The following TNR variants were observed in gnomAD, a reference collection of about 807,000 sequenced individuals.
The protein encoded by TNR is tenascin R.
Under a neutral mutation model 150.4 loss-of-function variants are expected in TNR, and 45 were observed. The observed-to-expected ratio is 0.30, with a 90% CI of 0.24 to 0.38. The LOEUF is 0.38. Ranked by LOEUF, TNR falls within the 10% of genes least tolerant of loss-of-function variation. The pLI, the probability that TNR is intolerant of heterozygous loss-of-function variation, is 1.00. For synonymous variants in TNR, 687 were observed against 678.4 expected, an observed-to-expected ratio of 1.01 and a Z score of -0.20; for missense variants, 1,544 against 1,759.1, an observed-to-expected ratio of 0.88 and a Z score of 2.19.
chr1:175,327,719 TA>T (rs1649487329), intron 21 of TNR, among the ~76,000 whole-genome samples: 1 of 152,210 alleles, frequency 6.6e-6, no homozygotes, highest in Admixed American at 6.5e-5. Flanking sequence ...TTCCAGGGTT[TA>T]TTTTCCTTAC....
chr1:175,351,600 T>G (rs2102002723), intron 18 of TNR, among the ~76,000 whole-genome samples: 1 of 152,348 alleles, frequency 6.6e-6, no homozygotes, highest in Non-Finnish European at 1.5e-5. Context: ...GTCTGGTATG[T>G]GCCAGGCTTT....
In TNR at chr1:175,429,816, C is replaced by G. The variant is rs570421811; in HGVS notation, c.-63-23039G>C. On this transcript the variant is annotated intron_variant, in intron 2 of 22. Transcript: ENST00000367674. ...AGAATTTGATCCTTGCCATTGTAGT[C>G]TCATCACCAAGAAGGCACAGGTTGG... is the stretch of plus-strand genomic sequence containing the variant. Among the ~76,000 whole-genome samples the G allele has an allele frequency of 3.9e-5, 6 of 152,228 alleles. No individual in the cohort carries two copies. In the East Asian group the frequency reaches 1.2e-3, roughly 29 times the overall value.
intron 1 of TNR, among the ~76,000 whole-genome samples, chr1:175,626,340 C>T (rs1278572499): frequency 1.3e-5 from 2 of 152,108 alleles, no homozygotes; most frequent in Non-Finnish European, 2.9e-5. Flanking sequence ...AAAATCTCAC[C>T]CAAGCAGGTC....
At chr1:175,473,338 A>T (rs1251609811) in intron 2 of TNR, among the ~76,000 whole-genome samples, 3 of 152,166 alleles carry the variant, frequency 2.0e-5, no homozygotes, top group Non-Finnish European at 4.4e-5. Flanking sequence ...CATGCTCATC[A>T]CCAGCAGCCC....
chr1:175,644,044 G>A (rs980975106), intron 1 of TNR, among the ~76,000 whole-genome samples: 1 of 152,156 alleles, frequency 6.6e-6, no homozygotes, highest in Admixed American at 6.5e-5. Flanking sequence ...ATTTCCTCAA[G>A]AACATTATTA....
intron 1 of TNR, among the ~76,000 whole-genome samples, chr1:175,702,030 A>G (rs1039848613): frequency 2.6e-5 from 4 of 152,198 alleles, no homozygotes; most frequent in Admixed American, 2.0e-4. Context: ...TTACTGACAG[A>G]TTGATTAAAC....
At chr1:175,569,832 G>A (rs1271203499) in intron 1 of TNR, among the ~76,000 whole-genome samples, 1 of 152,164 alleles carries the variant, frequency 6.6e-6, no homozygotes, top group East Asian at 1.9e-4. Context: ...GATAGACAAT[G>A]AGACTCAGAA....
chr1:175,355,454 T>A, intron 17 of TNR, 49 bp downstream of exon 17: 1 of 1,599,706 alleles, frequency 6.3e-7, no homozygotes, highest in Non-Finnish European at 8.5e-7. Context: ...AGTTTCCACA[T>A]GGCCTCACTT....
intron 1 of TNR, among the ~76,000 whole-genome samples, chr1:175,650,729 C>CT: frequency 4.2e-3 from 1 of 236 alleles, no homozygotes; most frequent in African/African-American, 0.016. Flanking sequence ...TACCCCTCCC[C>CT]GCCTCATTAC....
chr1:175,674,800 G>C (rs979464826), intron 1 of TNR, among the ~76,000 whole-genome samples: 1 of 152,170 alleles, frequency 6.6e-6, no homozygotes, highest in Admixed American at 6.5e-5. Context: ...ACAGAGAGGA[G>C]AGGACCAGGC....
chr1:175,464,004 G>A (rs1656926650), intron 2 of TNR, among the ~76,000 whole-genome samples: 1 of 152,170 alleles, frequency 6.6e-6, no homozygotes, highest in African/African-American at 2.4e-5. Flanking sequence ...TCTGAACCAT[G>A]GATATGCTGT....
At chr1:175,489,360 G>A (rs553282249) in intron 2 of TNR, among the ~76,000 whole-genome samples, 2 of 152,278 alleles carry the variant, frequency 1.3e-5, no homozygotes, top group East Asian at 1.9e-4. Context: ...GGTTAGATAC[G>A]GTCATAGCTG....
chr1:175,729,413 G>A (rs558373330), intron 1 of TNR, among the ~76,000 whole-genome samples: 4 of 135,234 alleles, frequency 3.0e-5, no homozygotes, highest in South Asian at 2.3e-4. Flanking sequence ...CTGGTGTAAG[G>A]CCTCTCTCTC....
Position 175,406,648 on chromosome 1 carries a change from C to A in TNR, c.67G>T (p.Gly23Cys), listed in dbSNP as rs2102049036. 1 of 1,614,208 alleles carries A rather than the reference C, an allele frequency of 6.2e-7. No individual in the cohort carries two copies. The highest frequency in any genetic ancestry group is 1.3e-5 in the African/African-American group (1 of 75,048). The change falls in exon 3 of 23, where the codon GGC becomes TGC. Residue 23 changes from glycine to cysteine, a missense_variant. By Grantham distance (159) the Gly-to-Cys change is radical. Coordinates refer to ENST00000367674, the MANE Select transcript of TNR (RefSeq NM_003285.3). The stretch of plus-strand genomic sequence containing the variant: ...CACTCTGAAGGCTTGATCATGGAGC[C>A]CAGAAGGATCAGGTTGATGCCAATG... ...MLIGINLILL[G>C]SMIKPSECQL...
intron 1 of TNR, among the ~76,000 whole-genome samples, chr1:175,611,651 A>T (rs1231772307): frequency 1.3e-5 from 2 of 152,028 alleles, no homozygotes; most frequent in Non-Finnish European, 2.9e-5. Context: ...CTCTCTCTTG[A>T]TCTCCATCTC....
chr1:175,708,062 T>C (rs369662331), intron 1 of TNR, among the ~76,000 whole-genome samples: 1 of 139,058 alleles, frequency 7.2e-6, no homozygotes, highest in African/African-American at 2.8e-5. Context: ...GTGTGTGTAT[T>C]TAAACCTAGG....
At chr1:175,468,816 T>C (rs976646939) in intron 2 of TNR, among the ~76,000 whole-genome samples, 1 of 151,824 alleles carries the variant, frequency 6.6e-6, no homozygotes, top group Admixed American at 6.6e-5. Flanking sequence ...AGCCTGGTAG[T>C]CAGGATGGGG....
chr1:175,598,542 T>C (rs1663095778), intron 1 of TNR, among the ~76,000 whole-genome samples: 1 of 152,214 alleles, frequency 6.6e-6, no homozygotes, highest in Admixed American at 6.5e-5. Flanking sequence ...CATGAATACA[T>C]GCTTATGGAA....
intron 1 of TNR, among the ~76,000 whole-genome samples, chr1:175,604,047 C>G (rs1474851862): frequency 6.6e-6 from 1 of 152,122 alleles, no homozygotes; most frequent in Non-Finnish European, 1.5e-5. Context: ...CCCTGATCAG[C>G]TTTTACTTTC....
Sources: allele counts gnomAD v4.1 joint callset (sites outside exome capture counted in the v4.1 genomes callset), GRCh38; gene constraint gnomAD v4.1.1; transcripts MANE v1.5; gene names NCBI Gene and HGNC (gene_info 2026-07-23, HGNC 2026-07-21).